The following FOXN3 variants were observed in gnomAD, a reference collection of about 807,000 sequenced individuals.
FOXN3 encodes the protein forkhead box protein N3.
A neutral mutation model predicts 38.4 loss-of-function variants in FOXN3; 7 were observed. That is an observed-to-expected ratio of 0.18 (90% CI 0.10 to 0.34). The LOEUF is 0.34. Ranked by LOEUF, FOXN3 falls within the 10% of genes least tolerant of loss-of-function variation. The pLI, the probability that FOXN3 is intolerant of heterozygous loss-of-function variation, is 1.00. For missense variants in FOXN3, 456 were observed against 613.4 expected, an observed-to-expected ratio of 0.74 and a Z score of 2.71; for synonymous variants, 230 against 242.2, an observed-to-expected ratio of 0.95 and a Z score of 0.47.
chr14:89,276,112 AC>A (rs1275170928), intron 4 of FOXN3, among the ~76,000 whole-genome samples: 11 of 152,114 alleles, frequency 7.2e-5, no homozygotes, highest in African/African-American at 2.7e-4. Flanking sequence ...CCCCATCTCT[AC>A]TAAAAATACG....
intron 1 of FOXN3, among the ~76,000 whole-genome samples, chr14:89,616,394 T>A (rs556662547): frequency 1.3e-5 from 2 of 152,302 alleles, no homozygotes; most frequent in African/African-American, 4.8e-5. Context: ...TGGGTAATAA[T>A]AATGGGATTT....
chr14:89,233,613 C>A (rs1046903617), intron 4 of FOXN3, among the ~76,000 whole-genome samples: 2 of 152,124 alleles, frequency 1.3e-5, no homozygotes, highest in Non-Finnish European at 2.9e-5. Flanking sequence ...CCCTCCACTC[C>A]CAGTAAACAC....
At chr14:89,505,969 G>A (rs111845067) in intron 1 of FOXN3, among the ~76,000 whole-genome samples, 6 of 145,932 alleles carry the variant, frequency 4.1e-5, no homozygotes, top group Admixed American at 2.0e-4. Context: ...CAACCGCCCC[G>A]TCTGAGAAGT....
At position 89,291,561 on chromosome 14, in the gene FOXN3, CCA is replaced by C. The variant is rs1886874149; in HGVS notation, c.681-10549_681-10548del. On this transcript the variant is annotated intron_variant, in intron 3 of 5. Transcript: ENST00000557258. ...GACTCCAGGCAGCTGACAGCCCACT[CCA>C]GTCTTTCCAGCAGTCCCTACATGTC... 4 of 561,550 alleles carry C rather than the reference CCA, an allele frequency of 7.1e-6. No homozygotes were observed. In the Admixed American group the frequency reaches 8.0e-5, roughly 11 times the overall value. 34.8% of individuals were successfully genotyped at this position (561,550 alleles called of 1,614,324 possible). A position where few individuals can be genotyped will look rare whatever the true frequency, so the allele number is the denominator to read the frequency against.
intron 2 of FOXN3, among the ~76,000 whole-genome samples, chr14:89,353,105 A>G (rs1171872815): frequency 6.6e-6 from 1 of 152,244 alleles, no homozygotes; most frequent in Non-Finnish European, 1.5e-5. Flanking sequence ...GCTGAAGAAT[A>G]GTAAGAACAG....
intron 3 of FOXN3, among the ~76,000 whole-genome samples, chr14:89,324,073 C>A (rs1451573560): frequency 6.6e-6 from 1 of 152,186 alleles, no homozygotes; most frequent in Non-Finnish European, 1.5e-5. Context: ...TAAGCCACCA[C>A]CATGTGATGT....
intron 4 of FOXN3, among the ~76,000 whole-genome samples, chr14:89,242,571 G>A (rs1465221054): frequency 6.6e-6 from 1 of 152,000 alleles, no homozygotes; most frequent in African/African-American, 2.4e-5. Context: ...TACCACTAAA[G>A]TAAAATATTT....
chr14:89,610,518 TC>T (rs1896368174), intron 1 of FOXN3, among the ~76,000 whole-genome samples: 2 of 152,326 alleles, frequency 1.3e-5, no homozygotes, highest in African/African-American at 4.8e-5. Flanking sequence ...TGGGATGGTC[TC>T]CCAAGAAAAC....
intron 3 of FOXN3, among the ~76,000 whole-genome samples, chr14:89,283,752 T>G (rs1388273446): frequency 6.6e-6 from 1 of 152,198 alleles, no homozygotes; most frequent in Non-Finnish European, 1.5e-5. Context: ...AAATGGTGTT[T>G]GCATTACATG....
At chr14:89,170,937 A>G (rs1184908246) in intron 5 of FOXN3, among the ~76,000 whole-genome samples, 1 of 152,102 alleles carries the variant, frequency 6.6e-6, no homozygotes, top group Admixed American at 6.5e-5. Context: ...GCTTGAAATA[A>G]AAGTACACAA....
intron 4 of FOXN3, among the ~76,000 whole-genome samples, chr14:89,245,478 A>G (rs1291408132): frequency 3.2e-4 from 2 of 6,228 alleles, no homozygotes; most frequent in Non-Finnish European, 8.8e-4. Flanking sequence ...GCATTGGAGA[A>G]AAAAAAAAAA....
At chr14:89,437,536 G>C (rs1892297464) in intron 1 of FOXN3, among the ~76,000 whole-genome samples, 1 of 152,172 alleles carries the variant, frequency 6.6e-6, no homozygotes, top group Non-Finnish European at 1.5e-5. Context: ...ATGAGGCTGA[G>C]ACCTACTGGG....
chr14:89,337,674 G>C lies in FOXN3; in HGVS notation c.680+12998C>G, dbSNP rs149261797. Among the ~76,000 whole-genome samples the C allele has an allele frequency of 3.0e-4, 44 of 147,738 alleles. No individual in the cohort carries two copies. The East Asian group carries it at 8.6e-3, about 29-fold the overall frequency. On this transcript the variant is annotated intron_variant, in intron 3 of 5. Coordinates refer to ENST00000557258, the MANE Select transcript of FOXN3 (RefSeq NM_005197.4). The stretch of plus-strand genomic sequence containing the variant: ...GAGACGGAGTCTTGCTCTGTCACCA[G>C]GCTAGAGTGCAGTGGCACAATCTCA...
At chr14:89,603,338 T>C (rs1896197872) in intron 1 of FOXN3, among the ~76,000 whole-genome samples, 1 of 152,240 alleles carries the variant, frequency 6.6e-6, no homozygotes, top group South Asian at 2.1e-4. Context: ...ATTTTGGGTA[T>C]GTAAGAAACA....
intron 3 of FOXN3, among the ~76,000 whole-genome samples, chr14:89,299,463 T>A (rs1255941330): frequency 6.6e-6 from 1 of 152,246 alleles, no homozygotes; most frequent in Non-Finnish European, 1.5e-5. Flanking sequence ...ACAGACTAAT[T>A]CAGCAGCCCT....
chr14:89,497,908 CTGTT>C (rs1344072986), intron 1 of FOXN3, among the ~76,000 whole-genome samples: 2 of 140,794 alleles, frequency 1.4e-5, no homozygotes, highest in Admixed American at 7.0e-5. Flanking sequence ...TTGTTATTTC[CTGTT>C]TGTTTGTTTG....
At chr14:89,357,211 T>C (rs1889264953) in intron 2 of FOXN3, among the ~76,000 whole-genome samples, 1 of 152,096 alleles carries the variant, frequency 6.6e-6, no homozygotes, top group African/African-American at 2.4e-5. Flanking sequence ...AAAAATTAGC[T>C]AGACTGCTGC....
rs764906969 is a variant in FOXN3, at chr14:89,412,240, C to A, written c.237G>T (p.Ser79=). Residue 79 remains serine, a synonymous_variant, in exon 2 of 6, where the codon TCG becomes TCT. Coordinates refer to ENST00000557258, the MANE Select transcript of FOXN3 (RefSeq NM_005197.4). This position sits in a 1 kb window ranked among gnomAD's most constrained non-coding sequence, Gnocchi z 4.7. ...SKNLLKSFGE[S]VLRSVSPVQD... ...GGACGGGGCTGACACTCCTGAGGAC[C>A]GACTCCCCAAAGCTCTTCAGCAAGT... 1.2e-6 allele frequency: 2 copies of A among 1,614,036 alleles called. No homozygotes were observed. Among genetic ancestry groups the A allele is most frequent in the Non-Finnish European group, 1.7e-6 (2 of 1,180,016 alleles).
intron 1 of FOXN3, among the ~76,000 whole-genome samples, chr14:89,497,977 T>C (rs1358470179): frequency 2.6e-5 from 4 of 152,066 alleles, no homozygotes; most frequent in South Asian, 4.1e-4. Context: ...ATCTCACTAA[T>C]TTCGATTTGC....
Sources: allele counts gnomAD v4.1 joint callset (sites outside exome capture counted in the v4.1 genomes callset), GRCh38; gene constraint gnomAD v4.1.1; non-coding constraint Gnocchi (gnomAD v3.1); transcripts MANE v1.5; gene names NCBI Gene and HGNC (gene_info 2026-07-23, HGNC 2026-07-21).